Variants in EIF4G3 observed in about 807,000 individuals in gnomAD.
EIF4G3 encodes the protein eIF-4-gamma 3.
A neutral mutation model predicts 186.4 loss-of-function variants in EIF4G3; 34 were observed. The ratio of observed to expected loss-of-function variants is 0.18; its 90% CI spans 0.14 to 0.24. The LOEUF is 0.24. Ranked by LOEUF, EIF4G3 falls within the 10% of genes least tolerant of loss-of-function variation. The pLI is 1.00. For synonymous variants in EIF4G3, 673 were observed against 679.5 expected (o/e 0.99, Z 0.15); for missense variants, 1,536 against 1,948.5 (o/e 0.79, Z 3.99).
At chr1:20,883,321 T>G (rs944267289) in intron 19 of EIF4G3, among the ~76,000 whole-genome samples, 12 of 151,992 alleles carry the variant, frequency 7.9e-5, no homozygotes, top group African/African-American at 2.7e-4. Flanking sequence ...GAGGAATGCC[T>G]TTAGAAGGAA....
At chr1:20,973,509 A>T (rs1347087582) in intron 10 of EIF4G3, among the ~76,000 whole-genome samples, 1 of 152,212 alleles carries the variant, frequency 6.6e-6, no homozygotes, top group Non-Finnish European at 1.5e-5. Flanking sequence ...AAGGGAATAT[A>T]TCTGATCATC....
intron 3 of EIF4G3, among the ~76,000 whole-genome samples, chr1:21,051,777 T>G (rs1011976994): frequency 5.9e-5 from 9 of 152,192 alleles, no homozygotes; most frequent in Admixed American, 5.2e-4. Context: ...GCAAAAGGAC[T>G]GCTTGGGCCC....
intron 4 of EIF4G3, chr1:21,004,049 A>G (rs2084346372): frequency 6.4e-6 from 1 of 156,674 alleles, no homozygotes; most frequent in Middle Eastern, 3.0e-3. Flanking sequence ...CCAAACCACA[A>G]ACAAAATCAA....
chr1:20,911,583 A>AG (rs1375500606), intron 14 of EIF4G3, among the ~76,000 whole-genome samples: 2 of 150,590 alleles, frequency 1.3e-5, no homozygotes, highest in African/African-American at 4.9e-5. Context: ...AAAAAAAAAA[A>AG]AAAAAGAATG....
intron 12 of EIF4G3, among the ~76,000 whole-genome samples, chr1:20,950,631 T>G (rs1033044610): frequency 6.6e-6 from 1 of 152,154 alleles, no homozygotes; most frequent in Non-Finnish European, 1.5e-5. Context: ...ACAGGTGAAA[T>G]GCAACTTTGA....
chr1:20,995,004 C>T (rs965364766), intron 7 of EIF4G3, among the ~76,000 whole-genome samples: 19 of 152,098 alleles, frequency 1.2e-4, no homozygotes, highest in South Asian at 8.3e-4. Flanking sequence ...TACAGTTAAA[C>T]GACTAATCTG....
In EIF4G3 at chr1:20,996,077, C is replaced by G. The variant is rs961565307; in HGVS notation, c.177+1524G>C. Among the ~76,000 whole-genome samples, 59 of 152,274 alleles carry G rather than the reference C, an allele frequency of 3.9e-4. 1 individual carries two copies. Among genetic ancestry groups the G allele is most frequent in the African/African-American group, 1.4e-3 (59 of 41,570 alleles). On this transcript the variant is annotated intron_variant, in intron 7 of 36. Coordinates refer to ENST00000602326, the MANE Select transcript of EIF4G3 (RefSeq NM_001391906.1). ...GACTAAATTTTCAATTATAAACACT[C>G]TTTTACATAAGAAACTAATATTTTT...
chr1:21,009,509 G>A (rs1014644993), intron 4 of EIF4G3, among the ~76,000 whole-genome samples: 1 of 151,784 alleles, frequency 6.6e-6, no homozygotes, highest in South Asian at 2.1e-4. Context: ...AGATATTATA[G>A]GGTACAAATT....
At position 20,950,010 on chromosome 1, in the gene EIF4G3, C is replaced by G; in HGVS notation, c.816G>C (p.Gln272His). The stretch of plus-strand genomic sequence containing the variant: ...AAACAGTCATACACAAACCTTGCTT[C>G]TGGTCGCTAGCTGCAGTGACAGGGG... ...ASTPVTAASD[Q>H]KQEEKPKPDP... is the part of the protein sequence containing the mutation. Residue 272 changes from glutamine (Q) to histidine (H), a missense_variant, in exon 13 of 37, where the codon CAG (glutamine) becomes CAC (histidine). Coordinates refer to ENST00000602326, the MANE Select transcript of EIF4G3 (RefSeq NM_001391906.1). The G allele has an allele frequency of 6.2e-7, 1 of 1,613,288 alleles. No individual in the cohort carries two copies.
intron 14 of EIF4G3, among the ~76,000 whole-genome samples, chr1:20,924,192 A>G (rs1249370579): frequency 3.3e-5 from 5 of 152,206 alleles, no homozygotes; most frequent in Admixed American, 6.5e-5. Flanking sequence ...TTAACATGAC[A>G]TTTTAGAGAA....
At chr1:21,022,797 A>G (rs2091054134) in intron 4 of EIF4G3, among the ~76,000 whole-genome samples, 1 of 152,234 alleles carries the variant, frequency 6.6e-6, no homozygotes, top group Non-Finnish European at 1.5e-5. Context: ...TACAGGTGGA[A>G]GTATTACAGT....
intron 2 of EIF4G3, among the ~76,000 whole-genome samples, chr1:21,090,583 T>A (rs1572391417): frequency 6.6e-6 from 1 of 152,206 alleles, no homozygotes; most frequent in East Asian, 1.9e-4. Flanking sequence ...GCACTGGGGT[T>A]GTTTACAGTC....
At chr1:20,910,217 G>T (rs575832295) in intron 14 of EIF4G3, among the ~76,000 whole-genome samples, 1 of 152,276 alleles carries the variant, frequency 6.6e-6, no homozygotes, top group Admixed American at 6.5e-5. Flanking sequence ...AATAGGCAGT[G>T]AAGAACTATA....
intron 31 of EIF4G3, 54 bp downstream of exon 31, chr1:20,829,093 G>A: frequency 6.3e-7 from 1 of 1,582,344 alleles, no homozygotes; most frequent in South Asian, 1.1e-5. Context: ...GCTAGCAAGT[G>A]AGTTATTAGT....
At chr1:21,114,071 T>C (rs1289903252) in intron 2 of EIF4G3, among the ~76,000 whole-genome samples, 2 of 152,206 alleles carry the variant, frequency 1.3e-5, no homozygotes. Flanking sequence ...GAAAAGTCTA[T>C]TAAGTATTGG....
intron 20 of EIF4G3, among the ~76,000 whole-genome samples, chr1:20,870,276 C>G (rs961720317): frequency 6.6e-6 from 1 of 152,040 alleles, no homozygotes; most frequent in African/African-American, 2.4e-5. Flanking sequence ...TCATGCTTTG[C>G]TTTTAAACAC....
intron 2 of EIF4G3, among the ~76,000 whole-genome samples, chr1:21,115,864 A>G (rs1429146732): frequency 6.6e-6 from 1 of 152,058 alleles, no homozygotes; most frequent in Non-Finnish European, 1.5e-5. Flanking sequence ...ATATACAGGT[A>G]GGGACCACCA....
At position 21,100,441 on chromosome 1, in the gene EIF4G3, T is replaced by C. The variant is rs191471973; in HGVS notation, c.-271-11228A>G. 3.9e-5 allele frequency among the ~76,000 whole-genome samples: 6 copies of C among 152,286 alleles called. No homozygotes were observed. In the East Asian group the frequency reaches 1.2e-3, roughly 29 times the overall value. The stretch of plus-strand genomic sequence containing the variant: ...TATTGCATGTAATTTAAAAATAATA[T>C]TAGAACTCCATGGTGAGACAAGCAT... On this transcript the variant is annotated intron_variant, in intron 2 of 36. Coordinates refer to ENST00000602326, the MANE Select transcript of EIF4G3 (RefSeq NM_001391906.1).
chr1:20,864,660 G>T lies in EIF4G3; in HGVS notation c.2822C>A (p.Ala941Asp). 1 of 1,614,146 alleles carries T rather than the reference G, an allele frequency of 6.2e-7. No individual in the cohort carries two copies. The highest frequency in any genetic ancestry group is 8.5e-7 in the Non-Finnish European group (1 of 1,180,024). The change falls in exon 22 of 37, where the codon GCC becomes GAC. Residue 941 changes from alanine (A) to aspartate (D), a missense_variant. Physicochemically the swap from Ala to Asp is moderately radical, Grantham distance 126. Coordinates refer to ENST00000602326, the MANE Select transcript of EIF4G3 (RefSeq NM_001391906.1). ...HDELEEAKDK[A>D]RRRSIGNIKF... ...GATGTTGCCAATGGATCTCCGCCGG[G>T]CTTTGTCCTTGGCTTCTTCCAGTTC...
Sources: allele counts gnomAD v4.1 joint callset (sites outside exome capture counted in the v4.1 genomes callset), GRCh38; gene constraint gnomAD v4.1.1; transcripts MANE v1.5; gene names NCBI Gene and HGNC (gene_info 2026-07-23, HGNC 2026-07-21).